Variants in TMEM128 observed in about 807,000 individuals in gnomAD.
The protein encoded by TMEM128 is transmembrane protein 128.
TMEM128 carries 16 observed loss-of-function variants against 19.7 expected under a neutral mutation model. The observed-to-expected ratio is 0.81, with a 90% CI of 0.55 to 1.23. The LOEUF is 1.23. Among genes scored for constraint, TMEM128 ranks in the 50% most tolerant of loss-of-function variants. TMEM128 has a pLI of 0.00. For missense variants in TMEM128, 237 were observed against 200.8 expected, an observed-to-expected ratio of 1.18 and a Z score of -1.09; for synonymous variants, 98 against 75.8, an observed-to-expected ratio of 1.29 and a Z score of -1.52.
intron 2 of TMEM128, among the ~76,000 whole-genome samples, chr4:4,242,445 G>GAC: frequency 6.6e-6 from 1 of 151,640 alleles, no homozygotes; most frequent in African/African-American, 2.4e-5. Context: ...TGTCTAAAAA[G>GAC]GCCTTTTATC....
At chr4:4,238,356 A>G (rs1717809915) in intron 3 of TMEM128, among the ~76,000 whole-genome samples, 1 of 152,254 alleles carries the variant, frequency 6.6e-6, no homozygotes, top group Non-Finnish European at 1.5e-5. Flanking sequence ...AGCTGCTATT[A>G]TATCTTTCAT....
At chr4:4,238,831 G>C (rs1241562468) in intron 3 of TMEM128, among the ~76,000 whole-genome samples, 1 of 152,178 alleles carries the variant, frequency 6.6e-6, no homozygotes, top group African/African-American at 2.4e-5. Flanking sequence ...CCAGGAGTTT[G>C]AGACCTGCCT....
chr4:4,239,488 T>G (rs1436601484), intron 3 of TMEM128, among the ~76,000 whole-genome samples: 1 of 152,240 alleles, frequency 6.6e-6, no homozygotes, highest in African/African-American at 2.4e-5. Context: ...CATGATTTAC[T>G]GAAGTCAAAG....
chr4:4,247,468 A>G (rs528333522), intron 1 of TMEM128: 6 of 1,239,094 alleles, frequency 4.8e-6, no homozygotes, highest in Non-Finnish European at 5.6e-6. Flanking sequence ...TGAGATAAAA[A>G]ATATCCAAAA....
At chr4:4,242,336 A>C (rs66511705) in intron 2 of TMEM128, among the ~76,000 whole-genome samples, 46,624 of 151,364 alleles carry the variant, frequency 0.31, 7,837 homozygotes, top group East Asian at 0.46. Context: ...AGAAAAAAAT[A>C]TGGCTCTAAT....
At chr4:4,237,224 C>T in intron 4 of TMEM128, 1 of 385,238 alleles carries the variant, frequency 2.6e-6, no homozygotes, top group Non-Finnish European at 5.1e-6. Flanking sequence ...TCCTGTATTC[C>T]CATTTCTTAA....
chr4:4,237,467 T>C (rs1487994156), intron 4 of TMEM128, among the ~76,000 whole-genome samples: 2 of 152,298 alleles, frequency 1.3e-5, no homozygotes, highest in East Asian at 1.9e-4. Flanking sequence ...AAGGAGACTC[T>C]GTTTCTACAA....
intron 1 of TMEM128, among the ~76,000 whole-genome samples, chr4:4,247,428 G>A (rs766250472): frequency 5.3e-5 from 8 of 152,070 alleles, no homozygotes; most frequent in Non-Finnish European, 1.0e-4. Flanking sequence ...AATTTTAAAA[G>A]GTAATAAATG....
chr4:4,241,153 T>C (rs550454985), intron 2 of TMEM128, among the ~76,000 whole-genome samples: 1 of 152,288 alleles, frequency 6.6e-6, no homozygotes, highest in African/African-American at 2.4e-5. Context: ...TTCTGAAGTT[T>C]TGAGTGTGAC....
Position 4,247,569 on chromosome 4 carries a change from G to A in TMEM128, c.97+537C>T, listed in dbSNP as rs749993309. On this transcript the variant is annotated intron_variant, in intron 1 of 4. Coordinates refer to ENST00000382753, the MANE Select transcript of TMEM128 (RefSeq NM_001297551.2). ...TCTACTGAATTCTTCCATATTCTATGCATTCACAGGTGAACATACATCACA... is the reference window on the plus strand; with the variant it reads ...TCTACTGAATTCTTCCATATTCTATACATTCACAGGTGAACATACATCACA... 6.8e-6 allele frequency: 11 copies of A among 1,614,066 alleles called. No individual in the cohort carries two copies. The Admixed American group carries it at 1.7e-4, about 24-fold the overall frequency.
chr4:4,246,019 T>C (rs572103654), intron 2 of TMEM128, among the ~76,000 whole-genome samples, 183 bp downstream of exon 2: 1 of 152,280 alleles, frequency 6.6e-6, no homozygotes, highest in Non-Finnish European at 1.5e-5. Context: ...ACCTTATTCA[T>C]CTTATAACTA....
chr4:4,247,505 C>T (rs1268029168), intron 1 of TMEM128: 19 of 1,559,044 alleles, frequency 1.2e-5, no homozygotes, highest in Non-Finnish European at 1.6e-5. Context: ...CATCCTTAAC[C>T]TCAGATCTAA....
chr4:4,246,694 A>T (rs1197118441), intron 1 of TMEM128, among the ~76,000 whole-genome samples: 1 of 152,208 alleles, frequency 6.6e-6, no homozygotes, highest in Non-Finnish European at 1.5e-5. Context: ...AAAATGCCAA[A>T]GGCAAACATT....
chr4:4,247,461 G>A, intron 1 of TMEM128: 2 of 1,159,358 alleles, frequency 1.7e-6, no homozygotes, highest in South Asian at 3.0e-5. Flanking sequence ...AAACATATGA[G>A]ATAAAAAATA....
Position 4,240,452 on chromosome 4 carries a change from C to CTG in TMEM128, c.266_267insCA (p.Leu89PhefsTer13). On this transcript the variant is annotated frameshift_variant, in exon 3 of 5. Transcript: ENST00000382753. LOFTEE classifies it high-confidence loss of function. ...AAAATGCAATTGATAAACTGACAAG[C>CTG]AACAAGGCACTGCCACAGAGAAACC... The CTG allele has an allele frequency of 6.2e-7, 1 of 1,613,408 alleles. No individual in the cohort carries two copies. The highest frequency in any genetic ancestry group is 8.5e-7 in the Non-Finnish European group (1 of 1,179,590).
rs766917618 is a variant in TMEM128 at position 4,247,568 on chromosome 4, T to C, written c.97+538A>G. On this transcript the variant is annotated intron_variant, in intron 1 of 4. Coordinates refer to ENST00000382753, the MANE Select transcript of TMEM128 (RefSeq NM_001297551.2). ...TTCTACTGAATTCTTCCATATTCTA[T>C]GCATTCACAGGTGAACATACATCAC... The C allele has an allele frequency of 2.0e-5, 32 of 1,614,016 alleles. No individual in the cohort carries two copies. The Admixed American group carries it at 5.2e-4, about 26-fold the overall frequency.
intron 3 of TMEM128, among the ~76,000 whole-genome samples, chr4:4,239,301 C>T (rs1717850441): frequency 6.6e-6 from 1 of 152,000 alleles, no homozygotes; most frequent in African/African-American, 2.4e-5. Context: ...TAACGAAGTC[C>T]AACAACAGAA....
chr4:4,240,402 T>C lies in TMEM128; in HGVS notation c.317A>G (p.Tyr106Cys). 6.2e-7 allele frequency: 1 copy of C among 1,614,148 alleles called. No homozygotes were observed. The highest frequency in any genetic ancestry group is 8.5e-7 in the Non-Finnish European group (1 of 1,179,988). Residue 106 changes from tyrosine (Y) to cysteine (C), a missense_variant, in exon 3 of 5, where the codon TAT (tyrosine) becomes TGT (cysteine). Coordinates refer to ENST00000382753, the MANE Select transcript of TMEM128 (RefSeq NM_001297551.2). ...AFYCIVYLEW[Y>C]CGIGEYDVKY... ...GACATCATATTCTCCAATTCCACAATACCATTCCAGGTAGACTATGCAGTA... is the reference window on the plus strand; with the variant it reads ...GACATCATATTCTCCAATTCCACAACACCATTCCAGGTAGACTATGCAGTA...
chr4:4,247,042 G>T (rs1444264506), intron 1 of TMEM128, among the ~76,000 whole-genome samples: 1 of 152,174 alleles, frequency 6.6e-6, no homozygotes, highest in Admixed American at 6.5e-5. Context: ...GGGATTACAG[G>T]CGTGAGCTAC....
Sources: allele counts gnomAD v4.1 joint callset (sites outside exome capture counted in the v4.1 genomes callset), GRCh38; gene constraint gnomAD v4.1.1; transcripts MANE v1.5; gene names NCBI Gene and HGNC (gene_info 2026-07-23, HGNC 2026-07-21).